The following CEP85L variants were observed in gnomAD, a reference collection of about 807,000 sequenced individuals.
CEP85L encodes the protein centrosomal protein 85L, also known as centrosomal protein of 85 kDa-like.
CEP85L carries 60 observed loss-of-function variants against 100.3 expected under a neutral mutation model. The ratio of observed to expected loss-of-function variants is 0.60; its 90% confidence interval spans 0.49 to 0.74. CEP85L has a LOEUF of 0.74. CEP85L is among the 30% of genes least tolerant of loss of function. The probability of loss-of-function intolerance (pLI) is 0.00; values close to 1 mark genes in which losing one functional copy is unlikely to be tolerated. For missense variants in CEP85L, 973 were observed against 936.2 expected (o/e 1.04, Z -0.51); for synonymous variants, 319 against 322.7 (o/e 0.99, Z 0.12).
At position 118,512,051 on chromosome 6, in the gene CEP85L, A is replaced by T. The variant is rs572774544; in HGVS notation, c.1140-636T>A. Among the ~76,000 whole-genome samples, 33 of 152,232 alleles carry T rather than the reference A, an allele frequency of 2.2e-4. No homozygotes were observed. In the East Asian group the frequency reaches 5.6e-3, roughly 26 times the overall value. On this transcript the variant is annotated intron_variant, in intron 4 of 12. Transcript: ENST00000368491. ...GCCCTCATGCCTGAAACAATTTTTT[A>T]AAAAAGACAAAATATAGGAAGTGAA...
At chr6:118,685,502 T>A (rs1430534968) in intron 1 of CEP85L, among the ~76,000 whole-genome samples, 1 of 152,230 alleles carries the variant, frequency 6.6e-6, no homozygotes, top group Non-Finnish European at 1.5e-5. Flanking sequence ...AAAATAATTT[T>A]AAAATGTGAT....
At chr6:118,523,548 GAC>G (rs2114785835) in intron 4 of CEP85L, among the ~76,000 whole-genome samples, 1 of 152,282 alleles carries the variant, frequency 6.6e-6, no homozygotes, top group Non-Finnish European at 1.5e-5. Flanking sequence ...GTACAGAAAA[GAC>G]AGAATGGAGC....
chr6:118,512,567 G>A (rs779874595), intron 4 of CEP85L, among the ~76,000 whole-genome samples: 5 of 152,146 alleles, frequency 3.3e-5, no homozygotes, highest in Non-Finnish European at 5.9e-5. Flanking sequence ...CTGGCATCTA[G>A]TGAGCAGAAG....
intron 1 of CEP85L, among the ~76,000 whole-genome samples, chr6:118,697,881 G>A (rs978232455): frequency 6.6e-5 from 10 of 152,170 alleles, no homozygotes; most frequent in Admixed American, 5.2e-4. Flanking sequence ...ATTAAGCCAA[G>A]TGCTATTCCT....
intron 3 of CEP85L, among the ~76,000 whole-genome samples, chr6:118,532,720 A>G (rs1777364335): frequency 6.6e-6 from 1 of 152,136 alleles, no homozygotes; most frequent in Non-Finnish European, 1.5e-5. Flanking sequence ...TGAAGTACTG[A>G]TTTTTTGGAT....
At chr6:118,543,424 A>G (rs946800155) in intron 3 of CEP85L, among the ~76,000 whole-genome samples, 11 of 152,302 alleles carry the variant, frequency 7.2e-5, no homozygotes, top group African/African-American at 2.6e-4. Flanking sequence ...AGGGATAAAC[A>G]GTGTGTAGAG....
intron 2 of CEP85L, among the ~76,000 whole-genome samples, chr6:118,620,084 T>C (rs1773341142): frequency 1.3e-5 from 2 of 152,138 alleles, no homozygotes; most frequent in African/African-American, 2.4e-5. Context: ...TATCCACAAT[T>C]ACACAGGGAA....
At chr6:118,607,211 G>C (rs1360034700) in intron 2 of CEP85L, among the ~76,000 whole-genome samples, 1 of 152,062 alleles carries the variant, frequency 6.6e-6, no homozygotes, top group Non-Finnish European at 1.5e-5. Context: ...TCCAAACTCC[G>C]ACTTAAGAGT....
chr6:118,547,502 G>A (rs1778275374), intron 3 of CEP85L, among the ~76,000 whole-genome samples: 1 of 151,976 alleles, frequency 6.6e-6, no homozygotes, highest in Non-Finnish European at 1.5e-5. Flanking sequence ...CCATAAAGTT[G>A]CCCTTAATAC....
chr6:118,567,853 CA>C (rs1361018579), intron 2 of CEP85L, among the ~76,000 whole-genome samples: 1 of 152,152 alleles, frequency 6.6e-6, no homozygotes, highest in Non-Finnish European at 1.5e-5. Flanking sequence ...AAGGGAAAAA[CA>C]TTACAAATGA....
intron 1 of CEP85L, among the ~76,000 whole-genome samples, chr6:118,662,399 G>A (rs1035160000): frequency 1.3e-5 from 2 of 151,922 alleles, no homozygotes; most frequent in African/African-American, 4.8e-5. Flanking sequence ...GTGTGGAGGC[G>A]CATGGCTGTA....
chr6:118,558,949 T>G, intron 3 of CEP85L: 1 of 1,613,966 alleles, frequency 6.2e-7, no homozygotes, highest in Non-Finnish European at 8.5e-7. Context: ...CCTCACTCGC[T>G]CAGCTATAAG....
intron 1 of CEP85L, among the ~76,000 whole-genome samples, chr6:118,639,704 C>A (rs1280156545): frequency 3.3e-5 from 5 of 152,130 alleles, no homozygotes; most frequent in Non-Finnish European, 1.5e-5. Flanking sequence ...TGAAAGGCAA[C>A]TTTTTTTAGT....
chr6:118,632,651 A>T (rs770610585), intron 1 of CEP85L, 40 bp from the exon 2 acceptor site: 1 of 1,533,768 alleles, frequency 6.5e-7, no homozygotes, highest in Admixed American at 2.0e-5. Context: ...CATATATCTG[A>T]GTAGGCAGAA....
intron 1 of CEP85L, among the ~76,000 whole-genome samples, chr6:118,649,204 A>G (rs1775390209): frequency 6.6e-6 from 1 of 152,312 alleles, no homozygotes; most frequent in Non-Finnish European, 1.5e-5. Context: ...ATAAATAATT[A>G]CATTACTATT....
At chr6:118,664,523 TG>T (rs1583239818) in intron 1 of CEP85L, 1 of 152,344 alleles carries the variant, frequency 6.6e-6, no homozygotes, top group East Asian at 1.9e-4. Flanking sequence ...GGGTAAGAGC[TG>T]GGGATGAAAG....
intron 5 of CEP85L, chr6:118,501,809 TGAGAGAGAGA>T (rs35783390): frequency 5.6e-6 from 6 of 1,063,682 alleles, no homozygotes; most frequent in Admixed American, 1.8e-5. Flanking sequence ...GGCTGCTGGC[TGAGAGAGAGA>T]GAGAGAGAGA....
At chr6:118,472,929 C>T (rs944889322) in intron 10 of CEP85L, among the ~76,000 whole-genome samples, 3 of 152,056 alleles carry the variant, frequency 2.0e-5, no homozygotes, top group Non-Finnish European at 4.4e-5. Context: ...GTTGTTTTAA[C>T]GTAAGTATCC....
intron 3 of CEP85L, among the ~76,000 whole-genome samples, chr6:118,535,198 C>T (rs552416807): frequency 2.0e-5 from 3 of 152,252 alleles, no homozygotes; most frequent in East Asian, 3.9e-4. Context: ...TACTATTCAG[C>T]ACACACAGGC....
Sources: allele counts gnomAD v4.1 joint callset (sites outside exome capture counted in the v4.1 genomes callset), GRCh38; gene constraint gnomAD v4.1.1; transcripts MANE v1.5; gene names NCBI Gene and HGNC (gene_info 2026-07-23, HGNC 2026-07-21).